DYNLT2: variants seen among roughly 807,000 people sequenced by gnomAD.
The protein encoded by DYNLT2 is dynein light chain Tctex-type 2, also known as dynein light chain Tctex-type protein 2.
In DYNLT2, 24 loss-of-function variants were observed where a neutral mutation model predicts 24.3. The observed-to-expected ratio is 0.99, with a 90% CI of 0.71 to 1.39. The LOEUF (loss-of-function observed/expected upper bound fraction) is 1.39. Among genes scored for constraint, DYNLT2 ranks in the 40% most tolerant of loss-of-function variants. DYNLT2 has a pLI of 0.00. For synonymous variants in DYNLT2, 85 were observed against 85.4 expected (o/e 1.00, Z 0.03); for missense variants, 246 against 234.5 (o/e 1.05, Z -0.32).
rs573728316 is a variant in DYNLT2, at chr6:169,745,259, A to AT, written c.121-986dup. Among the ~76,000 whole-genome samples, 344 of 151,948 alleles carry AT rather than the reference A, an allele frequency of 2.3e-3. 1 individual carries two copies. The highest frequency in any genetic ancestry group is 7.8e-3 in the African/African-American group (322 of 41,436). ...AGGTGCATGCCACCACTCCCAACTA[A>AT]TTTTTTTGTTGTTGTTGTATTTTTA... is the stretch of plus-strand genomic sequence containing the variant. On this transcript the variant is annotated intron_variant, in intron 1 of 3. Transcript: ENST00000366774.
chr6:169,743,098 CT>C lies in DYNLT2; in HGVS notation c.467del (p.Lys156ArgfsTer6), dbSNP rs1210695308. 6.4e-7 allele frequency: 1 copy of C among 1,566,552 alleles called. No individual in the cohort carries two copies. The highest frequency in any genetic ancestry group is 1.3e-5 in the African/African-American group (1 of 74,126). ...TACTTACATTTATTGCTTGGCCAGT[CT>C]TTTGAATAAATAATACTTTTATAAT... is the stretch of plus-strand genomic sequence containing the variant. ...KFIIKVLFIQKTGQAINIASR... is the reference protein window; with the variant it reads ...KFIIKVLFIQXTGQAINIASR... On this transcript the variant is annotated frameshift_variant, in exon 3 of 4. Transcript: ENST00000366774. LOFTEE classifies it high-confidence loss of function.
the DYNLT2 span, among the ~76,000 whole-genome samples, chr6:169,734,777 T>C: frequency 6.6e-6 from 1 of 152,218 alleles, no homozygotes; most frequent in Non-Finnish European, 1.5e-5. Flanking sequence ...TTCCAGGTTT[T>C]GGTATCAGGG....
At chr6:169,746,958 T>C (rs1297117280) in intron 1 of DYNLT2, among the ~76,000 whole-genome samples, 1 of 150,076 alleles carries the variant, frequency 6.7e-6, no homozygotes, top group Non-Finnish European at 1.5e-5. Flanking sequence ...TAATCTACTT[T>C]TGGGGGCAGC....
intron 1 of DYNLT2, among the ~76,000 whole-genome samples, chr6:169,748,158 A>C (rs1479066485): frequency 6.6e-6 from 1 of 152,038 alleles, no homozygotes; most frequent in Non-Finnish European, 1.5e-5. Context: ...CTTTGGTGAG[A>C]AGCTTCCTCA....
intron 3 of DYNLT2, among the ~76,000 whole-genome samples, chr6:169,740,736 CT>C (rs1455376451): frequency 2.6e-5 from 4 of 152,082 alleles, no homozygotes; most frequent in Non-Finnish European, 5.9e-5. Flanking sequence ...ATTCTAACTC[CT>C]TTTCTCTGTG....
At position 169,744,090 on chromosome 6, in the gene DYNLT2, GT is replaced by G; in HGVS notation, c.304del (p.Thr102LeufsTer7). ...LKKFQAHSVE[T>X]KVQQILTESL... is the part of the protein sequence containing the mutation. ...TACTGTTAGTATCTGCTGGACTTTA[GT>G]TTCTACTGAATGAGCTTGGAATTTC... On this transcript the variant is annotated frameshift_variant, in exon 2 of 4. Transcript: ENST00000366774. LOFTEE classifies it high-confidence loss of function. 1 of 1,612,454 alleles carries G rather than the reference GT, an allele frequency of 6.2e-7. No individual in the cohort carries two copies. The highest frequency in any genetic ancestry group is 8.5e-7 in the Non-Finnish European group (1 of 1,179,944).
chr6:169,749,014 T>C (rs1789878418), intron 1 of DYNLT2, among the ~76,000 whole-genome samples: 1 of 152,228 alleles, frequency 6.6e-6, no homozygotes, highest in Non-Finnish European at 1.5e-5. Context: ...TTCCTTATAT[T>C]GAGCCTACAT....
intron 1 of DYNLT2, chr6:169,749,366 G>T: frequency 6.6e-6 from 1 of 152,340 alleles, no homozygotes; most frequent in Non-Finnish European, 1.5e-5. Context: ...CTCCCAAAGT[G>T]GGGATTACAT....
the DYNLT2 span, among the ~76,000 whole-genome samples, chr6:169,727,573 T>G: frequency 3.5e-4 from 48 of 136,690 alleles, 1 homozygote; most frequent in Non-Finnish European, 5.2e-4. Context: ...TGTTTTTTTG[T>G]TTTTTTTTGA....
At chr6:169,730,429 G>T in the DYNLT2 span, among the ~76,000 whole-genome samples, 7 of 152,130 alleles carry the variant, frequency 4.6e-5, no homozygotes, top group African/African-American at 1.7e-4. Flanking sequence ...GGTTACCTAC[G>T]CTAACTCCTG....
Position 169,751,449 on chromosome 6 carries a change from G to A in DYNLT2, c.10C>T (p.Arg4Ter), listed in dbSNP as rs1790061143. The change falls in exon 1 of 4, where the codon CGA becomes TGA. Residue 4 changes from arginine (R) to a stop codon, truncating the protein, a stop_gained. Coordinates refer to ENST00000366774, the MANE Select transcript of DYNLT2 (RefSeq NM_174910.3). LOFTEE classifies it high-confidence loss of function. MEK[R>*]GRGVKSSPIQ... is the part of the protein sequence containing the mutation. ...GGGCTCGACTTCACGCCTCGGCCTC[G>A]CTTCTCCATCTCGCTCTGTTCTCCA... 1 of 1,613,920 alleles carries A rather than the reference G, an allele frequency of 6.2e-7. No homozygotes were observed. The highest frequency in any genetic ancestry group is 8.5e-7 in the Non-Finnish European group (1 of 1,180,006).
chr6:169,747,589 T>C (rs1789836766), intron 1 of DYNLT2, among the ~76,000 whole-genome samples: 1 of 152,208 alleles, frequency 6.6e-6, no homozygotes, highest in Non-Finnish European at 1.5e-5. Flanking sequence ...ATCCCTGACA[T>C]AGTATTTTTC....
At chr6:169,739,208 C>CTTTT (rs557162178), downstream of DYNLT2, among the ~76,000 whole-genome samples, 1 of 131,482 alleles carries the variant, frequency 7.6e-6, no homozygotes, top group Non-Finnish European at 1.6e-5. Context: ...CAATTTTCTC[C>CTTTT]TTTTTTTTTT....
chr6:169,737,717 C>A (rs1271395305), downstream of DYNLT2, among the ~76,000 whole-genome samples: 1 of 152,122 alleles, frequency 6.6e-6, no homozygotes, highest in Non-Finnish European at 1.5e-5. Flanking sequence ...TTGAGGGGCA[C>A]CAGCCTGATG....
the DYNLT2 span, among the ~76,000 whole-genome samples, chr6:169,729,545 G>A: frequency 6.6e-6 from 1 of 152,148 alleles, no homozygotes; most frequent in African/African-American, 2.4e-5. Context: ...GTTGTGCAGT[G>A]ACCAATAACT....
chr6:169,739,940 C>T (rs968588305), downstream of DYNLT2, among the ~76,000 whole-genome samples: 1 of 152,056 alleles, frequency 6.6e-6, no homozygotes, highest in Non-Finnish European at 1.5e-5. Flanking sequence ...TACATATATA[C>T]ACACACAGAC....
At chr6:169,728,871 A>C in the DYNLT2 span, among the ~76,000 whole-genome samples, 7 of 152,296 alleles carry the variant, frequency 4.6e-5, no homozygotes, top group East Asian at 1.3e-3. Flanking sequence ...CCAACATTTT[A>C]TCTTTGCATT....
chr6:169,738,104 G>A (rs1028787601), downstream of DYNLT2, among the ~76,000 whole-genome samples: 4 of 152,250 alleles, frequency 2.6e-5, no homozygotes, highest in Non-Finnish European at 5.9e-5. Flanking sequence ...CAGCTGGTGT[G>A]TTGGGCTGTG....
chr6:169,736,885 C>T (rs1441473651), downstream of DYNLT2, among the ~76,000 whole-genome samples: 1 of 152,094 alleles, frequency 6.6e-6, no homozygotes, highest in Non-Finnish European at 1.5e-5. Context: ...GGAAGTTTTC[C>T]TAGATAATAT....
Sources: gnomAD v4.1 joint callset for allele counts (sites outside exome capture counted in the v4.1 genomes callset) on GRCh38, gnomAD v4.1.1 for gene constraint, MANE v1.5 for transcripts, NCBI Gene and HGNC (gene_info 2026-07-23, HGNC 2026-07-21) for gene names.